The following KCNH5 variants were observed in gnomAD, a reference collection of about 807,000 sequenced individuals.
KCNH5 encodes voltage-gated delayed rectifier potassium channel KCNH5.
In KCNH5, 46 loss-of-function variants were observed where a neutral mutation model predicts 96.1. That is an observed-to-expected ratio of 0.48 (90% confidence interval 0.38 to 0.61). The LOEUF (loss-of-function observed/expected upper bound fraction) is 0.61. KCNH5 is among the 20% of genes least tolerant of loss of function. The pLI is 0.00. For missense variants in KCNH5, 907 were observed against 1,225.8 expected, an observed-to-expected ratio of 0.74 and a Z score of 3.88; for synonymous variants, 439 against 449.8, an observed-to-expected ratio of 0.98 and a Z score of 0.30.
At chr14:62,940,908 C>T (rs1019938509) in intron 7 of KCNH5, among the ~76,000 whole-genome samples, 2 of 152,152 alleles carry the variant, frequency 1.3e-5, no homozygotes, top group African/African-American at 4.8e-5. Flanking sequence ...AAAGACAGAT[C>T]CTCTTCTCAC....
chr14:62,779,764 T>A lies in KCNH5; in HGVS notation c.1983A>T (p.Ser661=), dbSNP rs1470600869. 1 of 1,613,880 alleles carries A rather than the reference T, an allele frequency of 6.2e-7. No individual in the cohort carries two copies. Among genetic ancestry groups the A allele is most frequent in the Admixed American group, 1.7e-5 (1 of 59,972 alleles). ...DFYTAFANSF[S]RNLTLTCNLR... ...GATTGCAAGTAAGAGTGAGATTCCT[T>A]GAGAAGGAGTTTGCAAAAGCTGTAT... Residue 661 remains serine (S), a synonymous_variant, in exon 10 of 11, where the codon TCA becomes TCT. Coordinates refer to ENST00000322893, the MANE Select transcript of KCNH5 (RefSeq NM_139318.5).
chr14:62,857,958 A>T (rs1887961831), intron 7 of KCNH5, among the ~76,000 whole-genome samples: 2 of 152,194 alleles, frequency 1.3e-5, no homozygotes, highest in Admixed American at 6.6e-5. Context: ...ATTACACCTA[A>T]TATAATACAA....
intron 7 of KCNH5, among the ~76,000 whole-genome samples, chr14:62,900,075 G>T (rs932570204): frequency 6.6e-6 from 1 of 152,156 alleles, no homozygotes; most frequent in Non-Finnish European, 1.5e-5. Flanking sequence ...CCATGTTTCA[G>T]TCTGCAAACT....
rs546583211 is a variant in KCNH5 at position 62,971,031 on chromosome 14, G to T, written c.942+9841C>A. 2.7e-4 allele frequency among the ~76,000 whole-genome samples: 41 copies of T among 151,964 alleles called. No homozygotes were observed. In the South Asian group the frequency reaches 4.8e-3, roughly 18 times the overall value. On this transcript the variant is annotated intron_variant, in intron 6 of 10. Coordinates refer to ENST00000322893, the MANE Select transcript of KCNH5 (RefSeq NM_139318.5). ...TAGCTAATGCAATAAAACAAGAAAA[G>T]GTATACTTACTGGGAAGGAAGAAAT...
chr14:62,979,411 G>A (rs907967023), intron 6 of KCNH5, among the ~76,000 whole-genome samples: 10 of 151,850 alleles, frequency 6.6e-5, no homozygotes, highest in African/African-American at 2.4e-4. Flanking sequence ...AAAATACAAT[G>A]TCTACACTTA....
intron 8 of KCNH5, among the ~76,000 whole-genome samples, chr14:62,822,392 A>G (rs1336002903): frequency 1.3e-5 from 2 of 152,184 alleles, no homozygotes; most frequent in Non-Finnish European, 2.9e-5. Flanking sequence ...AGTAATTAAG[A>G]CAGCGTGATG....
chr14:62,716,459 T>C (rs1884687115), intron 10 of KCNH5, among the ~76,000 whole-genome samples: 1 of 152,194 alleles, frequency 6.6e-6, no homozygotes, highest in Admixed American at 6.5e-5. Context: ...TAACCTCTGC[T>C]TCCTTCACTC....
intron 4 of KCNH5, among the ~76,000 whole-genome samples, chr14:62,998,992 A>T (rs1890961197): frequency 1.3e-5 from 2 of 152,178 alleles, no homozygotes; most frequent in African/African-American, 4.8e-5. Context: ...GCTGCAATAA[A>T]CATACGTGTG....
chr14:62,910,941 A>ACAC lies in KCNH5; in HGVS notation c.1369+39191_1369+39192insGTG, dbSNP rs61033705. On this transcript the variant is annotated intron_variant, in intron 7 of 10. Coordinates refer to ENST00000322893, the MANE Select transcript of KCNH5 (RefSeq NM_139318.5). The stretch of plus-strand genomic sequence containing the variant: ...CACACACACACACACACACACACAC[A>ACAC]CCCCTCTGTTGTTCTGTCATCCTAT... Among the ~76,000 whole-genome samples the ACAC allele has an allele frequency of 1.4e-3, 201 of 140,880 alleles. 1 individual carries two copies. The Middle Eastern group carries it at 0.015, about 10-fold the overall frequency. 92.4% of individuals were successfully genotyped at this position (140,880 alleles called of 152,430 possible). A position where few individuals can be genotyped will look rare whatever the true frequency, so the allele number is the denominator to read the frequency against.
intron 6 of KCNH5, among the ~76,000 whole-genome samples, chr14:62,963,198 T>C (rs981896408): frequency 1.3e-5 from 2 of 152,122 alleles, no homozygotes; most frequent in Admixed American, 1.3e-4. Context: ...AATTCTTCTA[T>C]GTTGTTATAT....
intron 1 of KCNH5, among the ~76,000 whole-genome samples, chr14:63,028,602 TTCTG>T (rs1268679237): frequency 6.6e-6 from 1 of 152,088 alleles, no homozygotes; most frequent in African/African-American, 2.4e-5. Flanking sequence ...GTCTAGGAAA[TTCTG>T]TCTCTTTTTT....
chr14:62,968,297 T>C (rs749835441), intron 6 of KCNH5, among the ~76,000 whole-genome samples: 1 of 152,200 alleles, frequency 6.6e-6, no homozygotes, highest in African/African-American at 2.4e-5. Context: ...CACCTGCAAA[T>C]AGTTTGTGAG....
chr14:62,750,700 A>G (rs1566648655), intron 10 of KCNH5, among the ~76,000 whole-genome samples: 1 of 152,244 alleles, frequency 6.6e-6, no homozygotes, highest in Non-Finnish European at 1.5e-5. Context: ...TTCCTTCTAG[A>G]TAGCAGCAAG....
chr14:62,967,980 T>C (rs1050865432), intron 6 of KCNH5, among the ~76,000 whole-genome samples: 1 of 152,210 alleles, frequency 6.6e-6, no homozygotes, highest in African/African-American at 2.4e-5. Flanking sequence ...GCTATCCTCA[T>C]TGCTTGTTAT....
chr14:62,892,633 C>T (rs1271827550), intron 7 of KCNH5, among the ~76,000 whole-genome samples: 1 of 152,172 alleles, frequency 6.6e-6, no homozygotes, highest in Non-Finnish European at 1.5e-5. Context: ...TCATGTCTGG[C>T]TTCAAAACCT....
chr14:62,887,024 T>C (rs116250017), intron 7 of KCNH5, among the ~76,000 whole-genome samples: 2,298 of 152,328 alleles, frequency 0.015, 58 homozygotes, highest in African/African-American at 0.052. Context: ...TCCTCTATCT[T>C]TGACAATGGC....
At chr14:62,735,376 A>T (rs1885135290) in intron 10 of KCNH5, among the ~76,000 whole-genome samples, 1 of 152,164 alleles carries the variant, frequency 6.6e-6, no homozygotes, top group Non-Finnish European at 1.5e-5. Flanking sequence ...CTATTCAGGA[A>T]CATGTGAGAT....
intron 10 of KCNH5, among the ~76,000 whole-genome samples, chr14:62,743,155 T>C (rs1200860447): frequency 6.6e-6 from 1 of 152,162 alleles, no homozygotes; most frequent in Non-Finnish European, 1.5e-5. Flanking sequence ...ATATTAAAGA[T>C]ACATGTATAA....
intron 7 of KCNH5, among the ~76,000 whole-genome samples, chr14:62,871,508 A>G (rs1888253407): frequency 6.6e-6 from 1 of 152,190 alleles, no homozygotes; most frequent in Non-Finnish European, 1.5e-5. Flanking sequence ...CTTGTGGAAA[A>G]CAAGGAAATG....
Sources: allele counts gnomAD v4.1 joint callset (sites outside exome capture counted in the v4.1 genomes callset), GRCh38; gene constraint gnomAD v4.1.1; transcripts MANE v1.5; gene names NCBI Gene and HGNC (gene_info 2026-07-23, HGNC 2026-07-21).